CTNNA2: variants seen among roughly 807,000 people sequenced by gnomAD.
CTNNA2 encodes catenin alpha 2.
CTNNA2 carries 42 observed loss-of-function variants against 101.0 expected under a neutral mutation model. The observed-to-expected ratio is 0.42, with a 90% CI of 0.32 to 0.54. The LOEUF (loss-of-function observed/expected upper bound fraction) is 0.54, where lower values mean the gene tolerates loss of function less well. Among genes scored for constraint, CTNNA2 ranks in the 20% least tolerant of loss-of-function variants. The pLI, the probability that CTNNA2 is intolerant of heterozygous loss-of-function variation, is 0.14. For missense variants in CTNNA2, 871 were observed against 1,223.1 expected (o/e 0.71, Z 4.29); for synonymous variants, 450 against 456.4 (o/e 0.99, Z 0.18).
At chr2:80,416,940 T>C (rs1407244674) in intron 8 of CTNNA2, among the ~76,000 whole-genome samples, 1 of 152,002 alleles carries the variant, frequency 6.6e-6, no homozygotes, top group Admixed American at 6.6e-5. Context: ...CATAAATCTT[T>C]ACTATTAAAA....
intron 2 of CTNNA2, among the ~76,000 whole-genome samples, chr2:79,685,769 T>G (rs1467888792): frequency 6.6e-6 from 1 of 152,150 alleles, no homozygotes; most frequent in Non-Finnish European, 1.5e-5. Flanking sequence ...TAGCATTCGC[T>G]GCCCAATATC....
chr2:79,409,119 G>A (rs1443371837), intron 4 of CTNNA2, among the ~76,000 whole-genome samples: 3 of 152,014 alleles, frequency 2.0e-5, no homozygotes, highest in African/African-American at 7.2e-5. Flanking sequence ...GTCTGTTCAT[G>A]TCCTTTGCCC....
chr2:79,523,188 A>G (rs527715264), intron 1 of CTNNA2: 10 of 401,898 alleles, frequency 2.5e-5, no homozygotes, highest in East Asian at 1.5e-4. Flanking sequence ...TAAGTATTCA[A>G]TTTTTGGCTG....
At chr2:80,374,723 C>T (rs1290233074) in intron 7 of CTNNA2, among the ~76,000 whole-genome samples, 2 of 140,890 alleles carry the variant, frequency 1.4e-5, no homozygotes. Context: ...GTGTCCTAAT[C>T]TCTTCTTTAA....
At chr2:80,107,702 A>C (rs1163176041) in intron 7 of CTNNA2, among the ~76,000 whole-genome samples, 1 of 152,180 alleles carries the variant, frequency 6.6e-6, no homozygotes, top group Non-Finnish European at 1.5e-5. Context: ...ACCCCACCGG[A>C]TGAGGCAAGG....
intron 8 of CTNNA2, among the ~76,000 whole-genome samples, chr2:80,404,603 C>T (rs1678891965): frequency 6.6e-6 from 1 of 152,094 alleles, no homozygotes; most frequent in Non-Finnish European, 1.5e-5. Context: ...AAAAATAGTA[C>T]TGTTTTGTGG....
intron 2 of CTNNA2, among the ~76,000 whole-genome samples, chr2:79,252,820 T>A (rs925685935): frequency 4.6e-5 from 7 of 151,778 alleles, no homozygotes; most frequent in Non-Finnish European, 1.0e-4. Flanking sequence ...ATCAACTGTT[T>A]TTTTTTTTAG....
intron 1 of CTNNA2, among the ~76,000 whole-genome samples, chr2:79,607,497 TGTA>T (rs1677975847): frequency 6.6e-6 from 1 of 152,118 alleles, no homozygotes; most frequent in Non-Finnish European, 1.5e-5. Flanking sequence ...TAGACCATAT[TGTA>T]GTAAATAAAA....
intron 7 of CTNNA2, among the ~76,000 whole-genome samples, chr2:80,143,418 T>TC (rs1307405167): frequency 6.6e-6 from 1 of 152,166 alleles, no homozygotes; most frequent in East Asian, 1.9e-4. Flanking sequence ...CCTCAAATAT[T>TC]CGTCAAATTT....
chr2:80,383,690 G>A (rs1339237820), intron 7 of CTNNA2, among the ~76,000 whole-genome samples: 1 of 152,062 alleles, frequency 6.6e-6, no homozygotes, highest in East Asian at 1.9e-4. Flanking sequence ...ACGTTTGTGA[G>A]TTGTTGAGAA....
intron 2 of CTNNA2, among the ~76,000 whole-genome samples, chr2:79,700,550 G>T (rs558761029): frequency 6.6e-6 from 1 of 152,146 alleles, no homozygotes; most frequent in African/African-American, 2.4e-5. Flanking sequence ...CTTGTTTCCT[G>T]CCTGCCCTCC....
intron 7 of CTNNA2, among the ~76,000 whole-genome samples, chr2:80,054,156 G>A (rs1274171290): frequency 2.0e-5 from 3 of 152,072 alleles, no homozygotes; most frequent in Non-Finnish European, 4.4e-5. Context: ...TCAGATGGGG[G>A]TTTGATTGAT....
At chr2:79,982,289 A>C (rs1357928746) in intron 7 of CTNNA2, among the ~76,000 whole-genome samples, 3 of 138,728 alleles carry the variant, frequency 2.2e-5, no homozygotes, top group Admixed American at 7.4e-5. Flanking sequence ...TATATATAAC[A>C]TATATAACAT....
chr2:79,914,662 G>A (rs1686061939), intron 7 of CTNNA2, among the ~76,000 whole-genome samples: 1 of 152,140 alleles, frequency 6.6e-6, no homozygotes, highest in South Asian at 2.1e-4. Context: ...AATGATGGCA[G>A]AGATCCTGGT....
intron 7 of CTNNA2, among the ~76,000 whole-genome samples, chr2:80,111,116 A>G (rs1701185391): frequency 6.6e-6 from 1 of 152,156 alleles, no homozygotes. Flanking sequence ...AAACAGGAGC[A>G]TGGGGGTAAC....
chr2:79,854,369 C>T (rs1232953682), intron 3 of CTNNA2, among the ~76,000 whole-genome samples: 1 of 152,192 alleles, frequency 6.6e-6, no homozygotes, highest in Non-Finnish European at 1.5e-5. Flanking sequence ...GCTTTGAATG[C>T]ATCGTCTCTA....
chr2:80,218,307 G>T (rs1708387380), intron 7 of CTNNA2, among the ~76,000 whole-genome samples: 1 of 152,244 alleles, frequency 6.6e-6, no homozygotes, highest in African/African-American at 2.4e-5. Flanking sequence ...AGGGGGCAGA[G>T]ATATTTGCTC....
At chr2:79,920,706 A>C in intron 7 of CTNNA2, among the ~76,000 whole-genome samples, 1 of 152,234 alleles carries the variant, frequency 6.6e-6, no homozygotes, top group East Asian at 1.9e-4. Context: ...CTCACTATGC[A>C]GTGCCCAGGC....
Position 80,480,064 on chromosome 2 carries a change from A to G in CTNNA2, c.1290+60463A>G, listed in dbSNP as rs1210245365. Among the ~76,000 whole-genome samples, 5 of 152,200 alleles carry G rather than the reference A, an allele frequency of 3.3e-5. No homozygotes were observed. In the East Asian group the frequency reaches 9.6e-4, roughly 29 times the overall value. ...ACTACTTTTCCTTACATAATTTTCT[A>G]GACCAGCAGTTTTCTAATTTAATTG... On this transcript the variant is annotated intron_variant, in intron 9 of 18. Transcript: ENST00000402739.
Sources: gnomAD v4.1 joint callset for allele counts (sites outside exome capture counted in the v4.1 genomes callset) on GRCh38, gnomAD v4.1.1 for gene constraint, MANE v1.5 for transcripts, NCBI Gene and HGNC (gene_info 2026-07-23, HGNC 2026-07-21) for gene names.